The following KRT13 variants were observed in gnomAD, a reference collection of about 807,000 sequenced individuals.
The protein encoded by KRT13 is keratin 13.
A neutral mutation model predicts 40.6 loss-of-function variants in KRT13; 27 were observed. The ratio of observed to expected loss-of-function variants is 0.67; its 90% CI spans 0.49 to 0.92. The LOEUF (loss-of-function observed/expected upper bound fraction) is 0.92, where lower values mean the gene tolerates loss of function less well. Ranked by LOEUF, KRT13 falls within the 40% of genes least tolerant of loss-of-function variation. The pLI is 0.00. For synonymous variants in KRT13, 266 were observed against 240.3 expected, an observed-to-expected ratio of 1.11 and a Z score of -0.99; for missense variants, 605 against 611.5, an observed-to-expected ratio of 0.99 and a Z score of 0.11.
At chr17:41,501,787 A>AG (rs1392978647) in intron 6 of KRT13, 43 bp from the exon 7 acceptor site, 1 of 1,582,256 alleles carries the variant, frequency 6.3e-7, no homozygotes. Context: ...AGGGTAACTG[A>AG]GGGCAGGTGC....
At chr17:41,501,549 T>G in intron 7 of KRT13, 170 bp downstream of exon 7, 1 of 1,265,468 alleles carries the variant, frequency 7.9e-7, no homozygotes, top group Non-Finnish European at 1.1e-6. Context: ...GCCATCAGTT[T>G]CAAAAGGAAA....
rs1208867074 is a variant in KRT13, at chr17:41,503,017, C to G, written c.817G>C (p.Val273Leu). The G allele has an allele frequency of 6.2e-7, 1 of 1,614,212 alleles. No individual in the cohort carries two copies. Among genetic ancestry groups the G allele is most frequent in the Non-Finnish European group, 8.5e-7 (1 of 1,180,044 alleles). The change falls in exon 4 of 8, where the codon GTG (valine) becomes CTG (leucine). Residue 273 changes from valine to leucine, a missense_variant. By Grantham distance (32) the Val-to-Leu change is conservative (BLOSUM62 1). Coordinates refer to ENST00000246635, the MANE Select transcript of KRT13 (RefSeq NM_153490.3). ...DATPGIDLTR[V>L]LAEMREQYEA... The stretch of plus-strand genomic sequence containing the variant: ...TACTGCTCCCTCATCTCTGCCAGCA[C>G]GCGGGTCAGGTCAATGCCTGGGGTG...
intron 6 of KRT13, 162 bp from the exon 7 acceptor site, chr17:41,501,906 C>T (rs572348007): frequency 7.5e-4 from 1,133 of 1,504,032 alleles, no homozygotes; most frequent in South Asian, 1.3e-3. Flanking sequence ...GCATCAGGTG[C>T]CCACTGGGAC....
intron 1 of KRT13, chr17:41,503,941 A>T (rs1432564405): frequency 1.8e-6 from 1 of 554,210 alleles, no homozygotes; most frequent in Admixed American, 2.9e-5. Context: ...CCTCAATCAA[A>T]GCTGTCCTGG....
Position 41,503,670 on chromosome 17 carries a change from C to T in KRT13, c.551G>A (p.Arg184Lys). The change falls in exon 2 of 8, where the codon AGG becomes AAG. Residue 184 changes from arginine (R) to lysine (K), a missense_variant. Arg to Lys is a conservative substitution (Grantham distance 26, BLOSUM62 2). Transcript: ENST00000246635. ...NRVILEIDNARLAADDFRLKY... is the reference protein window; with the variant it reads ...NRVILEIDNAKLAADDFRLKY... ...GAGCCTGAAGTCGTCCGCAGCCAGCCTGGCATTGTCAATCTCCAGGATGAC... is the reference window on the plus strand; with the variant it reads ...GAGCCTGAAGTCGTCCGCAGCCAGCTTGGCATTGTCAATCTCCAGGATGAC... 1 of 1,613,980 alleles carries T rather than the reference C, an allele frequency of 6.2e-7. No individual in the cohort carries two copies. The highest frequency in any genetic ancestry group is 8.5e-7 in the Non-Finnish European group (1 of 1,179,994).
intron 1 of KRT13, chr17:41,504,435 G>A (rs1426221785): frequency 6.4e-6 from 1 of 156,312 alleles, no homozygotes; most frequent in Admixed American, 6.2e-5. Context: ...TGAATTTCTT[G>A]TCTAAACGTT....
chr17:41,501,178 C>T lies in KRT13; in HGVS notation c.*78G>A, dbSNP rs1470577727. On this transcript the variant is annotated 3_prime_UTR_variant, in exon 8 of 8. Transcript: ENST00000246635. Reference sequence around the variant, plus strand: ...GACTGAGCCTTGGGTCCAGCAGCCCCTCCTCTCTCCTGCAGGGAACTGCCG... The same window carrying T: ...GACTGAGCCTTGGGTCCAGCAGCCCTTCCTCTCTCCTGCAGGGAACTGCCG... 2.8e-6 allele frequency: 3 copies of T among 1,069,946 alleles called. No homozygotes were observed. The highest frequency in any genetic ancestry group is 4.2e-6 in the Non-Finnish European group (3 of 716,422). The allele number at this position is 1,069,946 out of a possible 1,614,324, so 66.3% of individuals were successfully genotyped here.
intron 6 of KRT13, 73 bp downstream of exon 6, chr17:41,502,301 T>C (rs1162599199): frequency 3.1e-6 from 5 of 1,612,048 alleles, no homozygotes; most frequent in East Asian, 2.2e-5. Context: ...GGTGGATCTC[T>C]AAGGCCCTGC....
At chr17:41,502,118 C>A in intron 6 of KRT13, 1 of 1,430,636 alleles carries the variant, frequency 7.0e-7, no homozygotes, top group Non-Finnish European at 9.1e-7. Context: ...TTCAGCTGAG[C>A]TGTATCCAAG....
At chr17:41,503,542 C>CTCCAGTA in intron 2 of KRT13, 99 bp from the exon 3 acceptor site, 1 of 1,529,774 alleles carries the variant, frequency 6.5e-7, no homozygotes, top group Middle Eastern at 1.7e-4. Context: ...TACTTCCAGA[C>CTCCAGTA]CTTCACTCCT....
In KRT13 at chr17:41,501,284, C is replaced by T. The variant is rs867119090; in HGVS notation, c.1349G>A (p.Arg450His). 20 of 1,571,908 alleles carry T rather than the reference C, an allele frequency of 1.3e-5. No homozygotes were observed. The highest frequency in any genetic ancestry group is 6.9e-5 in the East Asian group (3 of 43,406). ...AGGCCTACGGACATCAGAAGTGCGG[C>T]GACCAGAGGCATTAGAGGTGGTGGT... ...SVTTTSNASG[R>H]RTSDVRRP Residue 450 changes from arginine (R) to histidine (H), a missense_variant, in exon 8 of 8, where the codon CGC (arginine) becomes CAC (histidine). Coordinates refer to ENST00000246635, the MANE Select transcript of KRT13 (RefSeq NM_153490.3).
At chr17:41,502,107 G>A in intron 6 of KRT13, 1 of 1,425,064 alleles carries the variant, frequency 7.0e-7, no homozygotes, top group Non-Finnish European at 9.1e-7. Flanking sequence ...TAATAGCTTT[G>A]TTCAGCTGAG....
chr17:41,502,158 T>A, intron 6 of KRT13: 1 of 1,455,758 alleles, frequency 6.9e-7, no homozygotes, highest in South Asian at 1.4e-5. Flanking sequence ...AGATGTTCCC[T>A]CCATGGTCTC....
intron 2 of KRT13, 55 bp downstream of exon 2, chr17:41,503,588 G>T (rs1244084099): frequency 6.4e-7 from 1 of 1,572,522 alleles, no homozygotes; most frequent in Non-Finnish European, 8.8e-7. Flanking sequence ...ATGAGCTTTT[G>T]TCTAAACTAA....
intron 1 of KRT13, chr17:41,504,653 A>G (rs2144507352): frequency 4.7e-6 from 1 of 211,656 alleles, no homozygotes; most frequent in South Asian, 7.8e-5. Flanking sequence ...GTCCCCTACA[A>G]AGTAAACAAT....
chr17:41,504,966 T>C, intron 1 of KRT13, 90 bp downstream of exon 1: 1 of 1,491,756 alleles, frequency 6.7e-7, no homozygotes, highest in South Asian at 1.2e-5. Context: ...GTGAATTCCG[T>C]CCACACCTAG....
intron 6 of KRT13, 54 bp from the exon 7 acceptor site, chr17:41,501,798 T>C: frequency 6.4e-7 from 1 of 1,572,708 alleles, no homozygotes; most frequent in Non-Finnish European, 8.6e-7. Flanking sequence ...GGGCAGGTGC[T>C]TACCTGTTCC....
Position 41,505,335 on chromosome 17 carries a change from GCCA to G in KRT13, c.213_215del (p.Gly72del). The G allele has an allele frequency of 6.2e-7, 1 of 1,613,724 alleles. No homozygotes were observed. On this transcript the variant is annotated inframe_deletion, in exon 1 of 8. Transcript: ENST00000246635. ...AGCCACCTCCAAGGCCACCTCCATA[GCCA>G]CCTCCAAGGCCACCTCCATAGCCAC...
Position 41,502,585 on chromosome 17 carries a change from G to A in KRT13, c.1033C>T (p.Leu345=). The change falls in exon 6 of 8, where the codon CTG becomes TTG. Residue 345 remains leucine, a synonymous_variant. Transcript: ENST00000246635. ...LQSQLSMKAG[L]ENTVAETECR... ...TCCGTCTCTGCCACCGTGTTCTCCA[G>A]CCCCGCTTTCTGGTGGAGCGACAGA... 1.2e-6 allele frequency: 2 copies of A among 1,613,602 alleles called. No individual in the cohort carries two copies. The highest frequency in any genetic ancestry group is 1.7e-6 in the Non-Finnish European group (2 of 1,180,038).
Sources: allele counts gnomAD v4.1 joint callset, GRCh38; gene constraint gnomAD v4.1.1; transcripts MANE v1.5; gene names NCBI Gene and HGNC (gene_info 2026-07-23, HGNC 2026-07-21).